COQ8B: variants seen among roughly 807,000 people sequenced by gnomAD.
COQ8B encodes atypical kinase COQ8B, mitochondrial.
COQ8B carries 44 observed loss-of-function variants against 62.0 expected under a neutral mutation model. The observed-to-expected ratio is 0.71, with a 90% CI of 0.56 to 0.91. The LOEUF (loss-of-function observed/expected upper bound fraction) is 0.91. Ranked by LOEUF, COQ8B falls within the 40% of genes least tolerant of loss-of-function variation. The pLI is 0.00. For synonymous variants in COQ8B, 252 were observed against 289.9 expected, an observed-to-expected ratio of 0.87 and a Z score of 1.33; for missense variants, 649 against 731.6, an observed-to-expected ratio of 0.89 and a Z score of 1.30.
intron 4 of COQ8B, among the ~76,000 whole-genome samples, chr19:40,711,704 C>T (rs566964443): frequency 6.6e-6 from 1 of 152,296 alleles, no homozygotes; most frequent in South Asian, 2.1e-4. Context: ...TTGTTGTCAC[C>T]ATCTCTGTCA....
chr19:40,697,851 T>TATATATATATATAGAGAGAGAGAG (rs1446181673), intron 12 of COQ8B, among the ~76,000 whole-genome samples: 1 of 54,760 alleles, frequency 1.8e-5, no homozygotes, highest in African/African-American at 9.8e-5. Context: ...TATATATATA[T>TATATATATATATAGAGAGAGAGAG]AGAGAGAGAG....
At chr19:40,696,304 GAAT>G (rs1348652981) in intron 12 of COQ8B, among the ~76,000 whole-genome samples, 2 of 152,022 alleles carry the variant, frequency 1.3e-5, no homozygotes, top group African/African-American at 2.4e-5. Flanking sequence ...AAAATCCAGA[GAAT>G]AATAAAAGAT....
Position 40,692,205 on chromosome 19 carries a change from G to T in COQ8B, c.1465C>A (p.His489Asn). The T allele has an allele frequency of 6.2e-7, 1 of 1,602,044 alleles. No individual in the cohort carries two copies. Among genetic ancestry groups the T allele is most frequent in the Non-Finnish European group, 8.5e-7 (1 of 1,174,362 alleles). The change falls in exon 15 of 15, where the codon CAC becomes AAC. Residue 489 changes from histidine to asparagine, a missense_variant. Coordinates refer to ENST00000324464, the MANE Select transcript of COQ8B (RefSeq NM_024876.4). Reference protein sequence around the residue: ...CPPPEETYALHRKLAGAFLAC... With the variant: ...CPPPEETYALNRKLAGAFLAC... ...AGGAAAGCCCCTGCCAGCTTGCGGTGCAGGGCATAGGTCTCCTCGGGTGGG... is the reference window on the plus strand; with the variant it reads ...AGGAAAGCCCCTGCCAGCTTGCGGTTCAGGGCATAGGTCTCCTCGGGTGGG...
intron 9 of COQ8B, 30 bp from the exon 10 acceptor site, chr19:40,702,723 GGCCCCGAGC>G: frequency 6.3e-7 from 1 of 1,598,938 alleles, no homozygotes; most frequent in Non-Finnish European, 8.5e-7. Context: ...GCCAGGGAAG[GGCCCCGAGC>G]GCCCACTGGT....
intron 2 of COQ8B, 66 bp downstream of exon 2, chr19:40,714,465 G>T (rs1358931823): frequency 6.2e-7 from 1 of 1,613,392 alleles, no homozygotes; most frequent in Admixed American, 1.7e-5. Flanking sequence ...GACCCCTCCT[G>T]TCCTTTTACC....
At chr19:40,712,356 T>G (rs1599639344) in intron 4 of COQ8B, among the ~76,000 whole-genome samples, 1 of 146,002 alleles carries the variant, frequency 6.8e-6, no homozygotes, top group East Asian at 2.0e-4. Flanking sequence ...AGGCGGATCA[T>G]GAGGTCAGGA....
At chr19:40,715,870 T>TGTGTGTGCGCGC (rs1491577261) in intron 1 of COQ8B, 1 of 143,092 alleles carries the variant, frequency 7.0e-6, no homozygotes, top group African/African-American at 2.6e-5. Flanking sequence ...TGTGTGTGTG[T>TGTGTGTGCGCGC]GCGCGCGCGC....
In COQ8B at chr19:40,703,811, C is replaced by T. The variant is rs2082080299; in HGVS notation, c.621G>A (p.Val207=). 2.5e-6 allele frequency: 4 copies of T among 1,613,508 alleles called. No individual in the cohort carries two copies. Among genetic ancestry groups the T allele is most frequent in the Non-Finnish European group, 3.4e-6 (4 of 1,179,618 alleles). ...EELGRDWQAK[V]ASLEEVPFAA... ...CAAAGGGCACCTCCTCCAAGGAGGCCACCTTGGCCTGCCAGTCCCTGCCGA... is the reference window on the plus strand; with the variant it reads ...CAAAGGGCACCTCCTCCAAGGAGGCTACCTTGGCCTGCCAGTCCCTGCCGA... Residue 207 remains valine (V), a synonymous_variant, in exon 8 of 15, where the codon GTG becomes GTA. Transcript: ENST00000324464.
chr19:40,699,889 C>T (rs1376115697), intron 12 of COQ8B, among the ~76,000 whole-genome samples, 178 bp downstream of exon 12: 1 of 152,198 alleles, frequency 6.6e-6, no homozygotes, highest in Non-Finnish European at 1.5e-5. Flanking sequence ...CGTTGCAAGG[C>T]CCCAGGGATG....
intron 4 of COQ8B, among the ~76,000 whole-genome samples, chr19:40,712,706 G>A (rs2604913): frequency 0.57 from 86,115 of 152,138 alleles, 24,740 homozygotes; most frequent in East Asian, 0.71. Flanking sequence ...TGCTCTACAG[G>A]TGCATGCATA....
At position 40,692,364 on chromosome 19, in the gene COQ8B, C is replaced by T. The variant is rs146206425; in HGVS notation, c.1306G>A (p.Asp436Asn). ...ATCATCACTGCCTCCACGTGGGCGT[C>T]GGAGAATGCCTGGGAGTGGGGGTGG... Reference protein sequence around the residue: ...LTGFETKAFSDAHVEAVMILG... With the variant: ...LTGFETKAFSNAHVEAVMILG... Residue 436 changes from aspartate to asparagine, a missense_variant, in exon 15 of 15, where the codon GAC becomes AAC. Transcript: ENST00000324464. 1.7e-5 allele frequency: 28 copies of T among 1,613,118 alleles called. No homozygotes were observed. Among genetic ancestry groups the T allele is most frequent in the South Asian group, 2.2e-5 (2 of 91,040 alleles).
chr19:40,694,354 C>T (rs1431841865), intron 13 of COQ8B, among the ~76,000 whole-genome samples: 2 of 152,252 alleles, frequency 1.3e-5, no homozygotes, highest in African/African-American at 2.4e-5. Context: ...CAAATTCTGA[C>T]TGCATCCCTT....
At chr19:40,704,984 G>T in intron 7 of COQ8B, 112 bp downstream of exon 7, 1 of 1,013,392 alleles carries the variant, frequency 9.9e-7, no homozygotes, top group Non-Finnish European at 1.4e-6. Flanking sequence ...TTTTACAGAT[G>T]GGGAAAGTGA....
At chr19:40,698,982 CT>C (rs1177686034) in intron 12 of COQ8B, among the ~76,000 whole-genome samples, 1 of 151,460 alleles carries the variant, frequency 6.6e-6, no homozygotes, top group African/African-American at 2.4e-5. Flanking sequence ...TCCTTTTCCC[CT>C]GTCCCATCTC....
rs1190995692 is a variant in COQ8B at position 40,714,262 on chromosome 19, G to A, written c.222+16C>T. 1.2e-6 allele frequency: 2 copies of A among 1,609,112 alleles called. No individual in the cohort carries two copies. Among genetic ancestry groups the A allele is most frequent in the Non-Finnish European group, 1.7e-6 (2 of 1,177,134 alleles). ...GTATTCGTGGGGTGTTGCTGGGTGG[G>A]TGGGGGTAATGATACCTGGGGCCGG... On this transcript the variant is annotated intron_variant, in intron 3 of 14. Transcript: ENST00000324464.
intron 13 of COQ8B, among the ~76,000 whole-genome samples, chr19:40,694,540 C>T (rs1400169036): frequency 6.6e-6 from 1 of 152,178 alleles, no homozygotes; most frequent in Admixed American, 6.5e-5. Flanking sequence ...CTTACTACTA[C>T]CAGTGTGGTC....
intron 5 of COQ8B, among the ~76,000 whole-genome samples, chr19:40,706,350 C>A (rs983624832): frequency 2.0e-5 from 3 of 152,226 alleles, no homozygotes; most frequent in Non-Finnish European, 2.9e-5. Context: ...TGCTCTCATG[C>A]GTCTAAGAAC....
At chr19:40,699,444 G>T (rs2082044528) in intron 12 of COQ8B, among the ~76,000 whole-genome samples, 1 of 151,462 alleles carries the variant, frequency 6.6e-6, no homozygotes, top group Non-Finnish European at 1.5e-5. Context: ...CATTGTGGTT[G>T]GTACGAACCA....
intron 9 of COQ8B, among the ~76,000 whole-genome samples, chr19:40,703,146 C>A (rs1387885404): frequency 1.3e-5 from 2 of 152,032 alleles, no homozygotes; most frequent in Admixed American, 1.3e-4. Flanking sequence ...CACTTCTGGG[C>A]CTGGCTTTCC....
Sources: gnomAD v4.1 joint callset for allele counts (sites outside exome capture counted in the v4.1 genomes callset) on GRCh38, gnomAD v4.1.1 for gene constraint, MANE v1.5 for transcripts, NCBI Gene and HGNC (gene_info 2026-07-23, HGNC 2026-07-21) for gene names.